The following SYTL3 variants were observed in gnomAD, a reference collection of about 807,000 sequenced individuals.
SYTL3 encodes synaptotagmin-like protein 3.
A neutral mutation model predicts 82.1 loss-of-function variants in SYTL3; 88 were observed. The observed-to-expected ratio is 1.07, with a 90% CI of 0.90 to 1.28. The LOEUF (loss-of-function observed/expected upper bound fraction) is 1.28. Ranked by LOEUF, SYTL3 falls within the 50% of genes most tolerant of loss-of-function variation. The pLI, the probability that SYTL3 is intolerant of heterozygous loss-of-function variation, is 0.00. For synonymous variants in SYTL3, 311 were observed against 289.4 expected (o/e 1.07, Z -0.76); for missense variants, 831 against 757.6 (o/e 1.10, Z -1.14).
chr6:158,661,980 C>T (rs73797072), intron 3 of SYTL3, among the ~76,000 whole-genome samples: 4 of 152,068 alleles, frequency 2.6e-5, no homozygotes, highest in Non-Finnish European at 4.4e-5. Context: ...TTATTTTATG[C>T]GTTTAAATAC....
intron 15 of SYTL3, among the ~76,000 whole-genome samples, chr6:158,761,301 C>CTTTCT (rs1174996145): frequency 1.1e-5 from 1 of 93,888 alleles, no homozygotes; most frequent in Non-Finnish European, 2.1e-5. Flanking sequence ...ATGCACATTT[C>CTTTCT]TTTTTTTTTT....
At chr6:158,667,083 C>T (rs545086891) in intron 5 of SYTL3, among the ~76,000 whole-genome samples, 68 of 152,348 alleles carry the variant, frequency 4.5e-4, no homozygotes, top group African/African-American at 1.4e-3. Flanking sequence ...CCCATTTCAA[C>T]CAACCATATA....
At chr6:158,707,314 C>T in intron 7 of SYTL3, 33 bp downstream of exon 7, 1 of 1,609,800 alleles carries the variant, frequency 6.2e-7, no homozygotes, top group Admixed American at 1.7e-5. Context: ...CGTCCCTGGC[C>T]CTCCGGGGCA....
intron 10 of SYTL3, among the ~76,000 whole-genome samples, chr6:158,719,968 A>G (rs998598492): frequency 1.3e-5 from 2 of 152,134 alleles, no homozygotes; most frequent in Non-Finnish European, 2.9e-5. Context: ...ACATGTCTAT[A>G]ATCCCAGCTA....
chr6:158,672,916 T>C (rs898040950), intron 5 of SYTL3, among the ~76,000 whole-genome samples: 1 of 152,132 alleles, frequency 6.6e-6, no homozygotes, highest in African/African-American at 2.4e-5. Context: ...ATTTCAGGCG[T>C]GAGCCACCTC....
chr6:158,647,404 T>C (rs898557110), upstream of SYTL3, among the ~76,000 whole-genome samples: 1 of 152,242 alleles, frequency 6.6e-6, no homozygotes, highest in Non-Finnish European at 1.5e-5. Context: ...TACACATATA[T>C]GGAGCACTCC....
intron 14 of SYTL3, among the ~76,000 whole-genome samples, chr6:158,758,656 C>T (rs887923618): frequency 4.6e-5 from 7 of 152,148 alleles, no homozygotes; most frequent in African/African-American, 1.7e-4. Context: ...CTCCCTGCTC[C>T]TCCAGGCAAT....
chr6:158,647,695 A>G (rs1378991404), upstream of SYTL3, among the ~76,000 whole-genome samples: 1 of 152,286 alleles, frequency 6.6e-6, no homozygotes, highest in African/African-American at 2.4e-5. Context: ...ATGGATGTCC[A>G]TCAGAAGCAT....
chr6:158,751,599 C>T (rs1396333045), intron 12 of SYTL3, among the ~76,000 whole-genome samples: 2 of 152,200 alleles, frequency 1.3e-5, no homozygotes, highest in Non-Finnish European at 2.9e-5. Flanking sequence ...ATGGCCTTGA[C>T]ATCCAGGCAG....
intron 10 of SYTL3, among the ~76,000 whole-genome samples, chr6:158,722,166 TGTTTG>T (rs1784190422): frequency 6.6e-6 from 1 of 151,982 alleles, no homozygotes; most frequent in Non-Finnish European, 1.5e-5. Context: ...TTTGTTTGTT[TGTTTG>T]TTTTTTTGAG....
intron 8 of SYTL3, among the ~76,000 whole-genome samples, chr6:158,712,784 A>C (rs1363495243): frequency 7.0e-6 from 1 of 143,306 alleles, no homozygotes; most frequent in East Asian, 2.0e-4. Context: ...TTTGAGACAG[A>C]GTCTCGCTCT....
intron 13 of SYTL3, among the ~76,000 whole-genome samples, chr6:158,754,243 G>A (rs1562464973): frequency 6.6e-6 from 1 of 152,142 alleles, no homozygotes; most frequent in Non-Finnish European, 1.5e-5. Context: ...CTGGACCCAG[G>A]GAGACTTGTA....
At chr6:158,726,015 C>T (rs1052597164) in intron 11 of SYTL3, 10 of 645,250 alleles carry the variant, frequency 1.5e-5, no homozygotes, top group Middle Eastern at 2.6e-4. Context: ...CTGACAGTGT[C>T]GCAGTCCACG....
intron 8 of SYTL3, among the ~76,000 whole-genome samples, chr6:158,709,377 GTTA>G (rs1354018050): frequency 6.6e-6 from 1 of 152,196 alleles, no homozygotes; most frequent in Non-Finnish European, 1.5e-5. Context: ...TAATAAAAAT[GTTA>G]TTAATAATAC....
chr6:158,717,156 C>A (rs113547014), intron 9 of SYTL3, among the ~76,000 whole-genome samples: 16 of 152,206 alleles, frequency 1.1e-4, no homozygotes, highest in African/African-American at 3.6e-4. Flanking sequence ...CACCTGTAAT[C>A]CCAGCTACTT....
At position 158,763,291 on chromosome 6, in the gene SYTL3, GT is replaced by G. The variant is rs770323427; in HGVS notation, c.1518-11del. On this transcript the variant is annotated splice_polypyrimidine_tract_variant and intron_variant, in intron 16 of 17. Transcript: ENST00000611299. ...GGATGGCAATGATTGCAGGGTTTGT[GT>G]TCCCTCTTCAGCTGTCTCACTCTGC... The G allele has an allele frequency of 4.3e-6, 7 of 1,613,594 alleles. No individual in the cohort carries two copies. The African/African-American group carries it at 6.7e-5, about 15-fold the overall frequency.
chr6:158,711,060 G>A (rs913522412), intron 8 of SYTL3, among the ~76,000 whole-genome samples: 4 of 152,138 alleles, frequency 2.6e-5, no homozygotes, highest in Admixed American at 2.6e-4. Context: ...GGTTACAGGC[G>A]TGAGCCACCT....
At chr6:158,702,120 C>T (rs987144035) in intron 6 of SYTL3, among the ~76,000 whole-genome samples, 3 of 151,856 alleles carry the variant, frequency 2.0e-5, no homozygotes, top group African/African-American at 7.3e-5. Context: ...GGGAGGATCA[C>T]TGCAGGCACA....
At chr6:158,700,054 G>A (rs559537168) in intron 6 of SYTL3, among the ~76,000 whole-genome samples, 92 of 152,098 alleles carry the variant, frequency 6.0e-4, no homozygotes, top group African/African-American at 2.0e-3. Flanking sequence ...TCAGGAGTTC[G>A]AGACCAGCCT....
Sources: gnomAD v4.1 joint callset for allele counts (sites outside exome capture counted in the v4.1 genomes callset) on GRCh38, gnomAD v4.1.1 for gene constraint, MANE v1.5 for transcripts, NCBI Gene and HGNC (gene_info 2026-07-23, HGNC 2026-07-21) for gene names.